Variants in UGT2A2 observed in about 807,000 individuals in gnomAD.
UGT2A2 encodes the protein UDP-glucuronosyltransferase 2A2.
In UGT2A2, 60 loss-of-function variants were observed where a neutral mutation model predicts 50.7. That is an observed-to-expected ratio of 1.18 (90% CI 0.96 to 1.47). The LOEUF (loss-of-function observed/expected upper bound fraction) is 1.47, where lower values mean the gene tolerates loss of function less well. Ranked by LOEUF, UGT2A2 falls within the 40% of genes most tolerant of loss-of-function variation. The probability of loss-of-function intolerance (pLI) is 0.00; values close to 1 mark genes in which losing one functional copy is unlikely to be tolerated. For missense variants in UGT2A2, 762 were observed against 634.0 expected (o/e 1.20, Z -2.17); for synonymous variants, 242 against 214.6 (o/e 1.13, Z -1.11).
intron 1 of UGT2A2, among the ~76,000 whole-genome samples, chr4:69,617,576 A>G (rs1171640010): frequency 6.6e-6 from 1 of 151,888 alleles, no homozygotes; most frequent in East Asian, 1.9e-4. Flanking sequence ...AGGAAGAAAG[A>G]CTGTTTCAAA....
rs191829658 is a variant in UGT2A2 at position 69,604,465 on chromosome 4, C to T, written c.743-5071G>A. Among the ~76,000 whole-genome samples the T allele has an allele frequency of 4.2e-3, 582 of 137,172 alleles. 100 individuals are homozygous for T. The highest frequency in any genetic ancestry group is 0.016 in the Middle Eastern group (4 of 256). 90.0% of individuals were successfully genotyped at this position (137,172 alleles called of 152,430 possible). ...CAACCAGTACCAGCCACTGCAAAAA[C>T]ATGCCACATTGTACAGACCATCGAG... On this transcript the variant is annotated intron_variant, in intron 1 of 5. Coordinates refer to ENST00000604629, the MANE Select transcript of UGT2A2 (RefSeq NM_001105677.2).
chr4:69,618,456 A>T (rs961903850), intron 1 of UGT2A2, among the ~76,000 whole-genome samples: 1 of 151,930 alleles, frequency 6.6e-6, no homozygotes, highest in African/African-American at 2.4e-5. Context: ...ATTCTAACAC[A>T]TTTCTAACTT....
At chr4:69,632,399 T>C (rs1721436497) in intron 1 of UGT2A2, among the ~76,000 whole-genome samples, 1 of 152,042 alleles carries the variant, frequency 6.6e-6, no homozygotes, top group Non-Finnish European at 1.5e-5. Flanking sequence ...AGAATTGAAG[T>C]TGAGTTGCTG....
Position 69,626,278 on chromosome 4 carries a change from A to G in UGT2A2, c.742+12621T>C, listed in dbSNP as rs552572447. ...ATTCTAACATTTTATTTCGGAGTAA[A>G]TTTTATTCCACCAAAGAGGCCATAC... is the stretch of plus-strand genomic sequence containing the variant. On this transcript the variant is annotated intron_variant, in intron 1 of 5. Coordinates refer to ENST00000604629, the MANE Select transcript of UGT2A2 (RefSeq NM_001105677.2). Among the ~76,000 whole-genome samples the G allele has an allele frequency of 1.2e-3, 184 of 151,064 alleles. 1 individual carries two copies. The highest frequency in any genetic ancestry group is 2.3e-3 in the Non-Finnish European group (155 of 67,496).
In UGT2A2 at chr4:69,619,125, A is replaced by T. The variant is rs1002067741; in HGVS notation, c.743-19731T>A. ...ACAATTTTAATATACAGGCCACCTG[A>T]TGTGCTTCATGCCTACAATCCCAGT... On this transcript the variant is annotated intron_variant, in intron 1 of 5. Coordinates refer to ENST00000604629, the MANE Select transcript of UGT2A2 (RefSeq NM_001105677.2). Among the ~76,000 whole-genome samples, 22 of 151,900 alleles carry T rather than the reference A, an allele frequency of 1.4e-4. 1 individual carries two copies. The highest frequency in any genetic ancestry group is 1.2e-3 in the Admixed American group (18 of 15,202).
At chr4:69,619,470 T>C (rs10010846) in intron 1 of UGT2A2, among the ~76,000 whole-genome samples, 52,246 of 151,546 alleles carry the variant, frequency 0.34, 9,273 homozygotes, top group African/African-American at 0.41. Context: ...AAAAGTAAAT[T>C]GCAGTCTTAC....
At chr4:69,609,178 C>T (rs538127691) in intron 1 of UGT2A2, among the ~76,000 whole-genome samples, 1 of 145,306 alleles carries the variant, frequency 6.9e-6, no homozygotes, top group South Asian at 2.2e-4. Flanking sequence ...TTTGACACAG[C>T]GTTTTTCTCT....
chr4:69,637,803 C>A (rs550540170), intron 1 of UGT2A2, among the ~76,000 whole-genome samples: 2 of 151,878 alleles, frequency 1.3e-5, no homozygotes, highest in African/African-American at 4.8e-5. Context: ...ACCACTTAGA[C>A]AAGTTGTAGG....
intron 1 of UGT2A2, among the ~76,000 whole-genome samples, chr4:69,602,583 T>C (rs1450963980): frequency 7.3e-6 from 1 of 137,466 alleles, no homozygotes; most frequent in Non-Finnish European, 1.6e-5. Context: ...GTTTTAATTT[T>C]GCTGAATGCA....
intron 1 of UGT2A2, 116 bp from the exon 2 acceptor site, chr4:69,599,510 T>C: frequency 7.1e-7 from 1 of 1,410,752 alleles, no homozygotes; most frequent in South Asian, 1.4e-5. Flanking sequence ...AATTAGGTCT[T>C]CTAGAATACT....
rs1214680157 is a variant in UGT2A2 at position 69,639,022 on chromosome 4, A to T, written c.619T>A (p.Ser207Thr). The T allele has an allele frequency of 6.2e-7, 1 of 1,613,390 alleles. No individual in the cohort carries two copies. Among genetic ancestry groups the T allele is most frequent in the African/African-American group, 1.3e-5 (1 of 75,026 alleles). The change falls in exon 1 of 6, where the codon TCA becomes ACA. Residue 207 changes from serine (S) to threonine (T), a missense_variant. Transcript: ENST00000604629. The part of the protein sequence containing the change: ...APVSYVPAAL[S>T]ELTDQMTFGE... The stretch of plus-strand genomic sequence containing the variant: ...AAGGTCATCTGGTCAGTGAGCTCTG[A>T]TAAGGCTGCCGGTACATAGGAGACT...
intron 2 of UGT2A2, among the ~76,000 whole-genome samples, chr4:69,596,951 T>G (rs1821185): frequency 0.39 from 59,305 of 152,044 alleles, 11,838 homozygotes; most frequent in East Asian, 0.56. Context: ...ACAACTCTTC[T>G]CATGCTAACT....
chr4:69,591,128 T>G (rs186833029), intron 5 of UGT2A2, among the ~76,000 whole-genome samples: 1 of 152,264 alleles, frequency 6.6e-6, no homozygotes, highest in East Asian at 1.9e-4. Flanking sequence ...ATCAATAGTT[T>G]TGTCAATGAA....
chr4:69,628,009 C>A (rs368251766), intron 1 of UGT2A2, among the ~76,000 whole-genome samples: 276 of 151,958 alleles, frequency 1.8e-3, no homozygotes, highest in African/African-American at 6.4e-3. Flanking sequence ...TGGCCAGAAG[C>A]TATTTTAGGT....
At chr4:69,638,223 A>G (rs1721827867) in intron 1 of UGT2A2, among the ~76,000 whole-genome samples, 1 of 152,164 alleles carries the variant, frequency 6.6e-6, no homozygotes, top group Non-Finnish European at 1.5e-5. Context: ...TCAAGAGAGA[A>G]GGAAATAAAA....
chr4:69,621,081 A>G (rs1386245682), intron 1 of UGT2A2, among the ~76,000 whole-genome samples: 4 of 152,044 alleles, frequency 2.6e-5, no homozygotes, highest in African/African-American at 9.7e-5. Context: ...TATCCTGGAC[A>G]TAGAAAAAGG....
At chr4:69,623,927 C>A (rs1283184529) in intron 1 of UGT2A2, among the ~76,000 whole-genome samples, 1 of 151,404 alleles carries the variant, frequency 6.6e-6, no homozygotes, top group East Asian at 1.9e-4. Flanking sequence ...GGCCAGAATG[C>A]CCAGGACAAG....
intron 4 of UGT2A2, among the ~76,000 whole-genome samples, chr4:69,594,901 A>C (rs945600079): frequency 1.3e-5 from 2 of 152,172 alleles, no homozygotes; most frequent in African/African-American, 4.8e-5. Context: ...TTTTCTGGGA[A>C]TATATTACTG....
chr4:69,618,211 G>GTA (rs762836387), intron 1 of UGT2A2, among the ~76,000 whole-genome samples: 9 of 113,222 alleles, frequency 7.9e-5, no homozygotes, highest in East Asian at 3.0e-4. Flanking sequence ...GTGTGTGTGT[G>GTA]TGTGTATGTT....
Sources: allele counts gnomAD v4.1 joint callset (sites outside exome capture counted in the v4.1 genomes callset), GRCh38; gene constraint gnomAD v4.1.1; transcripts MANE v1.5; gene names NCBI Gene and HGNC (gene_info 2026-07-23, HGNC 2026-07-21).